PRR5L: variants seen among roughly 807,000 people sequenced by gnomAD.
PRR5L encodes the protein proline-rich protein 5-like.
In PRR5L, 21 loss-of-function variants were observed where a neutral mutation model predicts 36.4. The observed-to-expected ratio is 0.58, with a 90% CI of 0.41 to 0.83. The LOEUF is 0.83. PRR5L is among the 40% of genes least tolerant of loss of function. The probability of loss-of-function intolerance (pLI) is 0.00; values close to 1 mark genes in which losing one functional copy is unlikely to be tolerated. For missense variants in PRR5L, 381 were observed against 473.3 expected (o/e 0.80, Z 1.81); for synonymous variants, 188 against 197.0 (o/e 0.95, Z 0.38).
chr11:36,323,679 G>A (rs1856634644), intron 1 of PRR5L, among the ~76,000 whole-genome samples: 1 of 152,164 alleles, frequency 6.6e-6, no homozygotes, highest in African/African-American at 2.4e-5. Context: ...AAAGTGTCCT[G>A]GTTAATTTTG....
chr11:36,405,837 A>G (rs1267622585), intron 3 of PRR5L, among the ~76,000 whole-genome samples: 3 of 152,200 alleles, frequency 2.0e-5, no homozygotes, highest in Non-Finnish European at 4.4e-5. Flanking sequence ...GTGTGTACAC[A>G]TGACCTCTTT....
chr11:36,308,751 C>A (rs949518878), intron 1 of PRR5L, among the ~76,000 whole-genome samples: 5 of 152,158 alleles, frequency 3.3e-5, no homozygotes, highest in African/African-American at 9.7e-5. Flanking sequence ...TTGTTCTGGT[C>A]AATGGAATGT....
At chr11:36,348,344 C>G (rs1468462724) in intron 1 of PRR5L, among the ~76,000 whole-genome samples, 1 of 152,130 alleles carries the variant, frequency 6.6e-6, no homozygotes, top group Non-Finnish European at 1.5e-5. Context: ...ATGAAAGACT[C>G]CATGGATATA....
chr11:36,307,171 T>TA (rs5791100), intron 1 of PRR5L, among the ~76,000 whole-genome samples: 555 of 152,312 alleles, frequency 3.6e-3, no homozygotes, highest in African/African-American at 0.013. Context: ...AGCCCTGTAA[T>TA]AAAATCATGC....
intron 8 of PRR5L, among the ~76,000 whole-genome samples, chr11:36,459,697 C>G (rs781061836): frequency 1.3e-5 from 2 of 152,214 alleles, no homozygotes; most frequent in Admixed American, 6.5e-5. Flanking sequence ...ACAAGATGCT[C>G]AGATCAGCAC....
chr11:36,414,614 C>T (rs1858101706), intron 3 of PRR5L, among the ~76,000 whole-genome samples: 1 of 139,420 alleles, frequency 7.2e-6, no homozygotes, highest in African/African-American at 2.7e-5. Flanking sequence ...GGATATTAGC[C>T]CTTTGTCAGA....
chr11:36,454,464 G>T (rs1305082020), intron 8 of PRR5L, among the ~76,000 whole-genome samples: 1 of 152,158 alleles, frequency 6.6e-6, no homozygotes, highest in African/African-American at 2.4e-5. Context: ...AAACTAAGGA[G>T]TTGGGTTGGG....
At chr11:36,366,538 T>A (rs1050444371) in intron 1 of PRR5L, among the ~76,000 whole-genome samples, 3 of 152,226 alleles carry the variant, frequency 2.0e-5, no homozygotes, top group African/African-American at 4.8e-5. Context: ...ACATTTCCTA[T>A]TAATGACATC....
intron 3 of PRR5L, among the ~76,000 whole-genome samples, chr11:36,408,546 G>A (rs542471204): frequency 6.6e-6 from 1 of 152,074 alleles, no homozygotes; most frequent in Non-Finnish European, 1.5e-5. Context: ...GCCAGAGTTC[G>A]GGCTGATTCT....
At chr11:36,440,969 G>T (rs766936724) in intron 6 of PRR5L, among the ~76,000 whole-genome samples, 2 of 152,158 alleles carry the variant, frequency 1.3e-5, no homozygotes, top group African/African-American at 2.4e-5. Context: ...TTACCAAGGG[G>T]AGGGCACCAA....
At chr11:36,423,137 A>G (rs1017004382) in intron 4 of PRR5L, among the ~76,000 whole-genome samples, 1 of 152,156 alleles carries the variant, frequency 6.6e-6, no homozygotes, top group African/African-American at 2.4e-5. Flanking sequence ...CTCAGGCTAG[A>G]GTCAGTGGCT....
intron 1 of PRR5L, among the ~76,000 whole-genome samples, chr11:36,360,246 G>A (rs181765799): frequency 9.8e-4 from 149 of 152,228 alleles, no homozygotes; most frequent in Non-Finnish European, 1.5e-3. Flanking sequence ...TAGTGGGATG[G>A]TTACCTCCCT....
intron 1 of PRR5L, among the ~76,000 whole-genome samples, chr11:36,363,933 C>T (rs2133504393): frequency 6.6e-6 from 1 of 152,352 alleles, no homozygotes; most frequent in Non-Finnish European, 1.5e-5. Context: ...ACAGATGGCT[C>T]TGCCTTCCTC....
chr11:36,357,071 TAAG>T (rs1268469524), intron 1 of PRR5L, among the ~76,000 whole-genome samples: 7 of 152,132 alleles, frequency 4.6e-5, no homozygotes, highest in African/African-American at 1.4e-4. Flanking sequence ...TCAATAATAA[TAAG>T]AAGCAAAACA....
chr11:36,367,464 G>T (rs1857155526), intron 1 of PRR5L, among the ~76,000 whole-genome samples: 1 of 152,164 alleles, frequency 6.6e-6, no homozygotes, highest in Non-Finnish European at 1.5e-5. Flanking sequence ...TAAGAAACAG[G>T]TAGTGTCTGC....
intron 1 of PRR5L, among the ~76,000 whole-genome samples, chr11:36,387,488 G>A (rs1857479459): frequency 6.6e-6 from 1 of 152,218 alleles, no homozygotes; most frequent in Non-Finnish European, 1.5e-5. Flanking sequence ...TGAATTAGAT[G>A]ATGTGGTAGG....
At chr11:36,359,298 G>T (rs1002831487) in intron 1 of PRR5L, among the ~76,000 whole-genome samples, 6 of 152,180 alleles carry the variant, frequency 3.9e-5, no homozygotes, top group Admixed American at 3.3e-4. Context: ...GAAAGATTTT[G>T]TCTTAGCGTG....
chr11:36,461,394 G>A (rs1442010890), intron 8 of PRR5L, among the ~76,000 whole-genome samples: 6 of 152,088 alleles, frequency 3.9e-5, no homozygotes, highest in East Asian at 1.9e-4. Flanking sequence ...AGGCTGAGGC[G>A]GGTGGATCAC....
chr11:36,384,986 A>G (rs1440950588), intron 1 of PRR5L, among the ~76,000 whole-genome samples: 1 of 152,048 alleles, frequency 6.6e-6, no homozygotes, highest in Non-Finnish European at 1.5e-5. Context: ...TCCTTTTCTT[A>G]TGAAAAAACC....
Sources: gnomAD v4.1 joint callset for allele counts (sites outside exome capture counted in the v4.1 genomes callset) on GRCh38, gnomAD v4.1.1 for gene constraint, MANE v1.5 for transcripts, NCBI Gene and HGNC (gene_info 2026-07-23, HGNC 2026-07-21) for gene names.